MTFP1: variants seen among roughly 807,000 people sequenced by gnomAD.
The protein encoded by MTFP1 is mitochondrial fission process 1, also known as mitochondrial fission process protein 1.
A neutral mutation model predicts 17.1 loss-of-function variants in MTFP1; 19 were observed. That is an observed-to-expected ratio of 1.11 (90% CI 0.77 to 1.63). The LOEUF (loss-of-function observed/expected upper bound fraction) is 1.63. MTFP1 is among the 40% of genes most tolerant of loss of function. MTFP1 has a pLI of 0.00. For synonymous variants in MTFP1, 89 were observed against 95.2 expected, an observed-to-expected ratio of 0.93 and a Z score of 0.38; for missense variants, 221 against 226.2, an observed-to-expected ratio of 0.98 and a Z score of 0.15.
chr22:30,428,734 C>T lies in MTFP1; in HGVS notation c.*200C>T. 1.3e-6 allele frequency: 2 copies of T among 1,504,670 alleles called. No individual in the cohort carries two copies. The highest frequency in any genetic ancestry group is 1.7e-5 in the Admixed American group (1 of 58,420). The allele number at this position is 1,504,670 out of a possible 1,614,324, so 93.2% of individuals were successfully genotyped here. ...GTCACAGAAGGGCAGGACCTGAACG[C>T]TGTCTGCTTCCCTGGAATCCAAGAT... On this transcript the variant is annotated 3_prime_UTR_variant, in exon 4 of 4. Transcript: ENST00000266263.
At chr22:30,426,872 C>A in intron 2 of MTFP1, 28 bp downstream of exon 2, 1 of 1,604,178 alleles carries the variant, frequency 6.2e-7, no homozygotes, top group Middle Eastern at 1.7e-4. Context: ...TTCCAACCCC[C>A]AACCCTAGCT....
At position 30,426,821 on chromosome 22, in the gene MTFP1, G is replaced by T; in HGVS notation, c.172G>T (p.Asp58Tyr). 2 of 1,612,648 alleles carry T rather than the reference G, an allele frequency of 1.2e-6. No individual in the cohort carries two copies. The highest frequency in any genetic ancestry group is 1.1e-5 in the South Asian group (1 of 91,024). Residue 58 changes from aspartate to tyrosine, a missense_variant, in exon 2 of 4, where the codon GAC (aspartate) becomes TAC (tyrosine). Asp to Tyr is a radical substitution (Grantham distance 160). Transcript: ENST00000266263. ...CTCCTACGTGCTGGCGGATGCCATT[G>T]ACAAAGGCAAGAAGGCTGGAGAGGT... is the stretch of plus-strand genomic sequence containing the variant. ...ASSYVLADAIDKGKKAGEVPS... is the reference protein window; with the variant it reads ...ASSYVLADAIYKGKKAGEVPS...
rs1934714782 is a variant in MTFP1 at position 30,428,739 on chromosome 22, T to C, written c.*205T>C. On this transcript the variant is annotated 3_prime_UTR_variant, in exon 4 of 4. Coordinates refer to ENST00000266263, the MANE Select transcript of MTFP1 (RefSeq NM_016498.5). ...AGAAGGGCAGGACCTGAACGCTGTC[T>C]GCTTCCCTGGAATCCAAGATGCTGA... The C allele has an allele frequency of 6.7e-7, 1 of 1,490,634 alleles. No individual in the cohort carries two copies. Among genetic ancestry groups the C allele is most frequent in the African/African-American group, 1.4e-5 (1 of 72,074 alleles). The allele number at this position is 1,490,634 out of a possible 1,614,324, so 92.3% of individuals were successfully genotyped here. A position where few individuals can be genotyped will look rare whatever the true frequency, so the allele number is the denominator to read the frequency against.
rs1018751218 is a variant in MTFP1, at chr22:30,428,917, G to A, written c.*383G>A. 10 of 539,066 alleles carry A rather than the reference G, an allele frequency of 1.9e-5. No homozygotes were observed. The highest frequency in any genetic ancestry group is 2.7e-5 in the Non-Finnish European group (8 of 299,678). The allele number at this position is 539,066 out of a possible 1,614,324, so 33.4% of individuals were successfully genotyped here. On this transcript the variant is annotated 3_prime_UTR_variant, in exon 4 of 4. Transcript: ENST00000266263. Reference sequence around the variant, plus strand: ...ACCCAGGACCCCCAGGTGCTTGACAGAGTCACCCCATGGTGGTATGGCTGA... The same window carrying A: ...ACCCAGGACCCCCAGGTGCTTGACAAAGTCACCCCATGGTGGTATGGCTGA...
chr22:30,428,775 A>G lies in MTFP1; in HGVS notation c.*241A>G. ...AATCCAAGATGCTGAGTGGAAGTGGACCCTGGGTGGGCCCGGCCCTGTCTT... is the reference window on the plus strand; with the variant it reads ...AATCCAAGATGCTGAGTGGAAGTGGGCCCTGGGTGGGCCCGGCCCTGTCTT... On this transcript the variant is annotated 3_prime_UTR_variant, in exon 4 of 4. Transcript: ENST00000266263. 8.6e-7 allele frequency: 1 copy of G among 1,162,326 alleles called. No homozygotes were observed. The highest frequency in any genetic ancestry group is 1.3e-6 in the Non-Finnish European group (1 of 790,736). 72.0% of individuals were successfully genotyped at this position (1,162,326 alleles called of 1,614,324 possible).
rs748860777 is a variant in MTFP1, at chr22:30,427,248, C to T, written c.273C>T (p.Ala91=). The change falls in exon 3 of 4, where the codon GCC becomes GCT. Residue 91 remains alanine, a synonymous_variant. Transcript: ENST00000266263. ...VVDTFVWQAL[A]SVAIPGFTIN... ...ACACCTTTGTATGGCAGGCTCTAGCCTCTGTGGCCATTCCGGGCTTCACCA... is the reference window on the plus strand; with the variant it reads ...ACACCTTTGTATGGCAGGCTCTAGCTTCTGTGGCCATTCCGGGCTTCACCA... 7.4e-6 allele frequency: 12 copies of T among 1,613,956 alleles called. No homozygotes were observed. Among genetic ancestry groups the T allele is most frequent in the Non-Finnish European group, 2.5e-6 (3 of 1,180,036 alleles).
rs1934712741 is a variant in MTFP1, at chr22:30,428,641, C to T, written c.*107C>T. 4 of 1,614,072 alleles carry T rather than the reference C, an allele frequency of 2.5e-6. No homozygotes were observed. Among genetic ancestry groups the T allele is most frequent in the Non-Finnish European group, 3.4e-6 (4 of 1,180,034 alleles). ...GCTCCCTGGTGTCCAAAGACCCTGGCACCTGGGTGGGTTTGAGCTGGACAG... is the reference window on the plus strand; with the variant it reads ...GCTCCCTGGTGTCCAAAGACCCTGGTACCTGGGTGGGTTTGAGCTGGACAG... On this transcript the variant is annotated 3_prime_UTR_variant, in exon 4 of 4. Transcript: ENST00000266263.
chr22:30,428,264 A>G (rs930380486), intron 3 of MTFP1, among the ~76,000 whole-genome samples, 198 bp from the exon 4 acceptor site: 1 of 152,164 alleles, frequency 6.6e-6, no homozygotes, highest in African/African-American at 2.4e-5. Flanking sequence ...AAAGAAGAGG[A>G]TGGCTTCTAT....
In MTFP1 at chr22:30,428,789, C is replaced by T. The variant is rs1002628727; in HGVS notation, c.*255C>T. On this transcript the variant is annotated 3_prime_UTR_variant, in exon 4 of 4. Coordinates refer to ENST00000266263, the MANE Select transcript of MTFP1 (RefSeq NM_016498.5). ...AGTGGAAGTGGACCCTGGGTGGGCC[C>T]GGCCCTGTCTTTTTCAGGAAAATTA... 57 of 977,148 alleles carry T rather than the reference C, an allele frequency of 5.8e-5. No homozygotes were observed. Among genetic ancestry groups the T allele is most frequent in the East Asian group, 1.3e-4 (5 of 38,710 alleles). The allele number at this position is 977,148 out of a possible 1,614,324, so 60.5% of individuals were successfully genotyped here.
chr22:30,428,855 G>A lies in MTFP1; in HGVS notation c.*321G>A, dbSNP rs1166587402. ...GATGAGAGACTGAGGCTCAGGGAGG[G>A]CAAGGAATAGGCCCAAGATCACTTG... On this transcript the variant is annotated 3_prime_UTR_variant, in exon 4 of 4. Coordinates refer to ENST00000266263, the MANE Select transcript of MTFP1 (RefSeq NM_016498.5). 1 of 620,920 alleles carries A rather than the reference G, an allele frequency of 1.6e-6. No homozygotes were observed. The highest frequency in any genetic ancestry group is 1.9e-5 in the African/African-American group (1 of 54,036). The allele number at this position is 620,920 out of a possible 1,614,324, so 38.5% of individuals were successfully genotyped here.
intron 3 of MTFP1, among the ~76,000 whole-genome samples, 192 bp downstream of exon 3, chr22:30,427,595 G>A (rs1601796675): frequency 6.6e-6 from 1 of 152,172 alleles, no homozygotes; most frequent in Non-Finnish European, 1.5e-5. Context: ...TGGTATGGCA[G>A]GCACTTTAGC....
Position 30,425,793 on chromosome 22 carries a change from C to G in MTFP1, c.-87C>G. 1 of 1,360,610 alleles carries G rather than the reference C, an allele frequency of 7.3e-7. No individual in the cohort carries two copies. The highest frequency in any genetic ancestry group is 2.8e-5 in the Admixed American group (1 of 35,646). The allele number at this position is 1,360,610 out of a possible 1,614,324, so 84.3% of individuals were successfully genotyped here. ...CTTCGGCGCGGGACTTTCGGCGGGT[C>G]CCGGCCGGGCAGACCCAAGTGCCGG... On this transcript the variant is annotated 5_prime_UTR_variant, in exon 1 of 4. Transcript: ENST00000266263.
chr22:30,428,402 C>T, intron 3 of MTFP1, 60 bp from the exon 4 acceptor site: 1 of 1,478,932 alleles, frequency 6.8e-7, no homozygotes, highest in Non-Finnish European at 9.4e-7. Context: ...TGGCCTTCTG[C>T]CTTCTGTTCC....
At position 30,428,807 on chromosome 22, in the gene MTFP1, GAAAATTACATC is replaced by G; in HGVS notation, c.*274_*284del. Reference sequence around the variant, plus strand: ...GTGGGCCCGGCCCTGTCTTTTTCAGGAAAATTACATCCTCCCATGGAGGATGAGAGACTGAG... The same window carrying G: ...GTGGGCCCGGCCCTGTCTTTTTCAGGCTCCCATGGAGGATGAGAGACTGAG... On this transcript the variant is annotated 3_prime_UTR_variant, in exon 4 of 4. Coordinates refer to ENST00000266263, the MANE Select transcript of MTFP1 (RefSeq NM_016498.5). 1.3e-6 allele frequency: 1 copy of G among 773,952 alleles called. No individual in the cohort carries two copies. The highest frequency in any genetic ancestry group is 2.1e-6 in the Non-Finnish European group (1 of 473,470). The allele number at this position is 773,952 out of a possible 1,614,324, so 47.9% of individuals were successfully genotyped here.
intron 2 of MTFP1, 145 bp from the exon 3 acceptor site, chr22:30,427,026 C>A: frequency 7.4e-7 from 1 of 1,350,906 alleles, no homozygotes; most frequent in South Asian, 1.2e-5. Flanking sequence ...TCCCACTCCC[C>A]GAACTGGATG....
chr22:30,426,056 A>C, intron 1 of MTFP1, 110 bp downstream of exon 1: 10 of 1,094,704 alleles, frequency 9.1e-6, no homozygotes, highest in Non-Finnish European at 1.2e-5. Flanking sequence ...CTTAGTTCTC[A>C]TTCTGCTTTT....
chr22:30,427,521 A>G, intron 3 of MTFP1, 118 bp downstream of exon 3: 2 of 1,117,392 alleles, frequency 1.8e-6, no homozygotes, highest in South Asian at 2.7e-5. Flanking sequence ...TGCTGGAGCA[A>G]TAGCAGGGAC....
intron 1 of MTFP1, among the ~76,000 whole-genome samples, chr22:30,426,167 C>A (rs1270352851): frequency 6.6e-6 from 1 of 152,192 alleles, no homozygotes; most frequent in African/African-American, 2.4e-5. Context: ...GAGCGGGCTG[C>A]CCGCTCTGGC....
chr22:30,427,928 T>C (rs1259328464), intron 3 of MTFP1, among the ~76,000 whole-genome samples: 1 of 152,170 alleles, frequency 6.6e-6, no homozygotes, highest in African/African-American at 2.4e-5. Flanking sequence ...TGCTTTCTCC[T>C]TGTGGGAGTA....
Sources: gnomAD v4.1 joint callset for allele counts (sites outside exome capture counted in the v4.1 genomes callset) on GRCh38, gnomAD v4.1.1 for gene constraint, MANE v1.5 for transcripts, NCBI Gene and HGNC (gene_info 2026-07-23, HGNC 2026-07-21) for gene names.